The following N4BP2L2 variants were observed in gnomAD, a reference collection of about 807,000 sequenced individuals.
N4BP2L2 encodes NEDD4-binding protein 2-like 2.
Under a neutral mutation model 56.2 loss-of-function variants are expected in N4BP2L2, and 50 were observed. That is an observed-to-expected ratio of 0.89 (90% CI 0.71 to 1.13). N4BP2L2 has a LOEUF of 1.13. Among genes scored for constraint, N4BP2L2 ranks in the 50% most tolerant of loss-of-function variants. The pLI is 0.00. For synonymous variants in N4BP2L2, 203 were observed against 223.6 expected, an observed-to-expected ratio of 0.91 and a Z score of 0.82; for missense variants, 689 against 693.8, an observed-to-expected ratio of 0.99 and a Z score of 0.08.
At chr13:32,530,351 G>C (rs2054363750) in intron 2 of N4BP2L2, among the ~76,000 whole-genome samples, 1 of 152,008 alleles carries the variant, frequency 6.6e-6, no homozygotes. Context: ...ACACCTATAT[G>C]AATCTAGGAA....
chr13:32,521,266 T>G, intron 5 of N4BP2L2, 107 bp downstream of exon 5: 2 of 875,838 alleles, frequency 2.3e-6, no homozygotes, highest in South Asian at 3.3e-5. Flanking sequence ...CATTTTACCC[T>G]CAGTTTCCTG....
At chr13:32,439,053 A>G (rs1352673216) in intron 7 of N4BP2L2, among the ~76,000 whole-genome samples, 1 of 152,238 alleles carries the variant, frequency 6.6e-6, no homozygotes, top group Non-Finnish European at 1.5e-5. Flanking sequence ...TCTTTCAAGT[A>G]CATGCCATTT....
At chr13:32,507,305 T>C (rs1235971402), downstream of N4BP2L2, 1 of 152,066 alleles carries the variant, frequency 6.6e-6, no homozygotes, top group Non-Finnish European at 1.5e-5. Context: ...CAGTTAAATA[T>C]ACAGACTGGA....
intron 6 of N4BP2L2, chr13:32,504,964 G>T (rs930596531): frequency 1.3e-5 from 2 of 152,242 alleles, no homozygotes; most frequent in African/African-American, 4.8e-5. Context: ...TAAGGCTCAA[G>T]AATAATCTTC....
intron 6 of N4BP2L2, among the ~76,000 whole-genome samples, chr13:32,490,701 T>C (rs2086879419): frequency 6.6e-6 from 1 of 152,234 alleles, no homozygotes; most frequent in Non-Finnish European, 1.5e-5. Context: ...CCACCTCAGA[T>C]GATCAGGCAT....
chr13:32,467,125 A>G (rs1191889042), intron 6 of N4BP2L2, among the ~76,000 whole-genome samples: 1 of 152,252 alleles, frequency 6.6e-6, no homozygotes, highest in Non-Finnish European at 1.5e-5. Context: ...AAGAATTAAC[A>G]ATTTCATATG....
chr13:32,486,573 G>A (rs1021672974), intron 6 of N4BP2L2, among the ~76,000 whole-genome samples: 10 of 152,086 alleles, frequency 6.6e-5, no homozygotes, highest in African/African-American at 2.4e-4. Context: ...CTGCTCAGGA[G>A]GTTGAGGAAA....
chr13:32,443,014 C>A (rs746312422), exon 7 of N4BP2L2: 13 of 1,613,608 alleles, frequency 8.1e-6, no homozygotes, highest in Non-Finnish European at 1.1e-5. Context: ...TTCTTTTACA[C>A]CGATACGACT....
intron 6 of N4BP2L2, among the ~76,000 whole-genome samples, chr13:32,444,934 T>C (rs1402469099): frequency 6.6e-6 from 1 of 152,162 alleles, no homozygotes; most frequent in East Asian, 1.9e-4. Flanking sequence ...TATAAAACAT[T>C]AGTAAGTATT....
intron 6 of N4BP2L2, among the ~76,000 whole-genome samples, chr13:32,486,695 T>C (rs1280919570): frequency 7.0e-6 from 1 of 143,768 alleles, no homozygotes; most frequent in Non-Finnish European, 1.5e-5. Context: ...ATAATAATAA[T>C]AACATAATAA....
chr13:32,462,593 C>T (rs1041226766), intron 6 of N4BP2L2, among the ~76,000 whole-genome samples: 7 of 151,890 alleles, frequency 4.6e-5, no homozygotes, highest in African/African-American at 1.7e-4. Context: ...ATTTATATTT[C>T]CGAATAGCTA....
At chr13:32,481,226 A>G (rs1472378358) in intron 6 of N4BP2L2, among the ~76,000 whole-genome samples, 2 of 151,998 alleles carry the variant, frequency 1.3e-5, no homozygotes, top group Non-Finnish European at 1.5e-5. Flanking sequence ...TCTATTAATC[A>G]AAATTTTAAA....
At chr13:32,439,490 T>G (rs902174794) in intron 7 of N4BP2L2, among the ~76,000 whole-genome samples, 2 of 152,132 alleles carry the variant, frequency 1.3e-5, no homozygotes, top group African/African-American at 4.8e-5. Context: ...TGCTAATCTT[T>G]TTGCATCATA....
intron 6 of N4BP2L2, among the ~76,000 whole-genome samples, chr13:32,503,507 C>A (rs1398454189): frequency 1.3e-5 from 2 of 152,144 alleles, no homozygotes; most frequent in Admixed American, 1.3e-4. Context: ...GCTATATATT[C>A]AAGAGTAGGA....
chr13:32,537,225 T>A lies in N4BP2L2; in HGVS notation c.1-198A>T, dbSNP rs184711507. On this transcript the variant is annotated intron_variant, in intron 1 of 5. Coordinates refer to ENST00000267068, the Ensembl canonical transcript of N4BP2L2. ...ACAACATGGTGGTTTATGGGAGGGATCTCGTTGAATATCCTTTTTGAAAAA... is the reference window on the plus strand; with the variant it reads ...ACAACATGGTGGTTTATGGGAGGGAACTCGTTGAATATCCTTTTTGAAAAA... 6.5e-3 allele frequency among the ~76,000 whole-genome samples: 988 copies of A among 151,956 alleles called. 5 individuals are homozygous for A. Among genetic ancestry groups the A allele is most frequent in the Middle Eastern group, 0.017 (5 of 288 alleles).
Position 32,477,820 on chromosome 13 carries a change from C to T in N4BP2L2, c.366-33694G>A, listed in dbSNP as rs192397637. Reference sequence around the variant, plus strand: ...AGGTATACAGCTGAGAAATACTCAGCGGATTATTGGCATAGTTGTTTGCAC... The same window carrying T: ...AGGTATACAGCTGAGAAATACTCAGTGGATTATTGGCATAGTTGTTTGCAC... On this transcript the variant is annotated intron_variant, in intron 6 of 9. Transcript: ENST00000357505. 1.0e-5 allele frequency: 13 copies of T among 1,244,670 alleles called. No individual in the cohort carries two copies. The South Asian group carries it at 1.3e-4, about 12-fold the overall frequency. 77.1% of individuals were successfully genotyped at this position (1,244,670 alleles called of 1,614,324 possible).
exon 4 of N4BP2L2, chr13:32,522,194 T>C (rs748658961): frequency 2.6e-6 from 4 of 1,551,372 alleles, no homozygotes; most frequent in Non-Finnish European, 1.7e-6. Context: ...CTTCCACATA[T>C]GGCTTCATTT....
chr13:32,460,817 C>A (rs550059565), intron 6 of N4BP2L2, among the ~76,000 whole-genome samples: 11 of 151,596 alleles, frequency 7.3e-5, no homozygotes, highest in Admixed American at 5.9e-4. Context: ...AACAAATGAA[C>A]AAAAAATAAA....
intron 6 of N4BP2L2, among the ~76,000 whole-genome samples, chr13:32,495,884 A>C (rs2088476764): frequency 6.6e-6 from 1 of 152,084 alleles, no homozygotes; most frequent in Non-Finnish European, 1.5e-5. Context: ...GGGTTTCCTC[A>C]TATTGGTAGG....
Sources: gnomAD v4.1 joint callset for allele counts (sites outside exome capture counted in the v4.1 genomes callset) on GRCh38, gnomAD v4.1.1 for gene constraint, MANE v1.5 for transcripts, NCBI Gene and HGNC (gene_info 2026-07-23, HGNC 2026-07-21) for gene names.